Variants in ADGRL3 observed in about 807,000 individuals in gnomAD.
ADGRL3 encodes calcium-independent alpha-latrotoxin receptor 3.
In ADGRL3, 62 loss-of-function variants were observed where a neutral mutation model predicts 153.5. The observed-to-expected ratio is 0.40, with a 90% confidence interval of 0.33 to 0.50. The LOEUF is 0.50. Among genes scored for constraint, ADGRL3 ranks in the 20% least tolerant of loss-of-function variants. The probability of loss-of-function intolerance (pLI) is 0.47; values close to 1 mark genes in which losing one functional copy is unlikely to be tolerated. For missense variants in ADGRL3, 1,641 were observed against 1,859.4 expected, an observed-to-expected ratio of 0.88 and a Z score of 2.16; for synonymous variants, 710 against 672.5, an observed-to-expected ratio of 1.06 and a Z score of -0.86.
chr4:61,568,520 C>T (rs1387594100), intron 4 of ADGRL3, among the ~76,000 whole-genome samples: 1 of 152,054 alleles, frequency 6.6e-6, no homozygotes, highest in Non-Finnish European at 1.5e-5. Flanking sequence ...GAAGTAATTG[C>T]TTACATTTAT....
chr4:61,613,637 G>A (rs1349702891), intron 5 of ADGRL3, among the ~76,000 whole-genome samples: 4 of 152,064 alleles, frequency 2.6e-5, no homozygotes, highest in South Asian at 2.1e-4. Context: ...CCAGCCACTC[G>A]GGAGATTGAG....
chr4:61,526,558 A>C (rs536584887), intron 4 of ADGRL3, among the ~76,000 whole-genome samples: 1 of 152,016 alleles, frequency 6.6e-6, no homozygotes, highest in East Asian at 1.9e-4. Flanking sequence ...AGGGAAGAAC[A>C]CTTGAGGCCA....
chr4:61,626,919 G>T (rs537211902), intron 5 of ADGRL3, among the ~76,000 whole-genome samples: 1 of 151,914 alleles, frequency 6.6e-6, no homozygotes, highest in Admixed American at 6.6e-5. Context: ...GTTCCTCTCC[G>T]TATTTTAAAT....
intron 3 of ADGRL3, among the ~76,000 whole-genome samples, chr4:61,502,472 C>A (rs2098396942): frequency 8.1e-6 from 1 of 123,100 alleles, no homozygotes; most frequent in Admixed American, 8.3e-5. Flanking sequence ...CTTGTAGAAC[C>A]AGCTTATACA....
intron 4 of ADGRL3, among the ~76,000 whole-genome samples, chr4:61,582,344 G>T (rs941697158): frequency 2.6e-5 from 4 of 151,662 alleles, no homozygotes; most frequent in Non-Finnish European, 4.4e-5. Flanking sequence ...CCCTCCCCCC[G>T]CTCCTGCCTC....
intron 2 of ADGRL3, among the ~76,000 whole-genome samples, chr4:61,438,954 A>G (rs932288100): frequency 2.6e-5 from 4 of 151,562 alleles, no homozygotes; most frequent in Admixed American, 6.6e-5. Flanking sequence ...TGATCCGCCC[A>G]CCTCTGCCTC....
intron 1 of ADGRL3, among the ~76,000 whole-genome samples, chr4:61,210,062 T>C (rs1739202039): frequency 6.6e-6 from 1 of 152,192 alleles, no homozygotes; most frequent in Admixed American, 6.5e-5. Flanking sequence ...GTTGAAATTT[T>C]AGAATTGACA....
chr4:61,782,100 A>T (rs2097220303), intron 8 of ADGRL3, among the ~76,000 whole-genome samples: 2 of 152,154 alleles, frequency 1.3e-5, no homozygotes, highest in South Asian at 4.1e-4. Flanking sequence ...TTGAAATGGG[A>T]TGAGGAGGAT....
At chr4:61,536,066 G>A (rs2098654042) in intron 4 of ADGRL3, among the ~76,000 whole-genome samples, 1 of 151,938 alleles carries the variant, frequency 6.6e-6, no homozygotes, top group African/African-American at 2.4e-5. Context: ...CTGTATTCCA[G>A]AGGGTTTGGT....
chr4:62,073,673 A>G lies in ADGRL3; in HGVS notation c.*2765A>G, dbSNP rs192698365. 1 of 152,254 alleles carries G rather than the reference A, an allele frequency of 6.6e-6. No homozygotes were observed. The highest frequency in any genetic ancestry group is 6.5e-5 in the Admixed American group (1 of 15,276). 9.4% of individuals were successfully genotyped at this position (152,254 alleles called of 1,614,324 possible). On this transcript the variant is annotated 3_prime_UTR_variant, in exon 27 of 27. Coordinates refer to ENST00000683033, the MANE Select transcript of ADGRL3 (RefSeq NM_001387552.1). The stretch of plus-strand genomic sequence containing the variant: ...CATTATTTTTGTGTTTCTATATGGA[A>G]ATTTGAAGCAGGTAGCTTCTCAAGC...
intron 21 of ADGRL3, among the ~76,000 whole-genome samples, chr4:62,017,748 G>A (rs1188955005): frequency 6.6e-6 from 1 of 152,072 alleles, no homozygotes; most frequent in Admixed American, 6.6e-5. Flanking sequence ...GGAGAAGTAG[G>A]CCTTCAACCC....
intron 4 of ADGRL3, among the ~76,000 whole-genome samples, chr4:61,554,393 A>G (rs1466210847): frequency 1.3e-5 from 2 of 151,902 alleles, no homozygotes; most frequent in Non-Finnish European, 2.9e-5. Context: ...ACGGGGTTTC[A>G]CAATGTTGGT....
chr4:62,043,924 T>C (rs1359290826), intron 24 of ADGRL3, among the ~76,000 whole-genome samples: 1 of 152,008 alleles, frequency 6.6e-6, no homozygotes, highest in Non-Finnish European at 1.5e-5. Flanking sequence ...ATTACATTGA[T>C]CTTCCTCTAA....
intron 1 of ADGRL3, among the ~76,000 whole-genome samples, chr4:61,223,295 C>T (rs1746492788): frequency 6.6e-6 from 1 of 152,130 alleles, no homozygotes; most frequent in Non-Finnish European, 1.5e-5. Context: ...GTTTTATTAT[C>T]TTCTCTTGCT....
intron 1 of ADGRL3, among the ~76,000 whole-genome samples, chr4:61,228,549 T>C (rs933317015): frequency 6.6e-6 from 1 of 152,200 alleles, no homozygotes; most frequent in East Asian, 1.9e-4. Flanking sequence ...GTAAATGTTC[T>C]AGATTAAAAC....
chr4:61,717,331 G>A (rs1273678282), intron 6 of ADGRL3, among the ~76,000 whole-genome samples: 1 of 151,824 alleles, frequency 6.6e-6, no homozygotes, highest in Non-Finnish European at 1.5e-5. Context: ...TTGAAATAGG[G>A]CATCGGAATT....
At chr4:61,776,874 G>A (rs1239398512) in intron 8 of ADGRL3, among the ~76,000 whole-genome samples, 1 of 152,084 alleles carries the variant, frequency 6.6e-6, no homozygotes, top group African/African-American at 2.4e-5. Flanking sequence ...TTCCATTAAA[G>A]TTGTATGCAA....
At chr4:61,244,679 C>G (rs2149363207) in intron 1 of ADGRL3, among the ~76,000 whole-genome samples, 1 of 151,950 alleles carries the variant, frequency 6.6e-6, no homozygotes, top group South Asian at 2.1e-4. Context: ...AATCAGCCCC[C>G]ATAAAAACAC....
intron 9 of ADGRL3, among the ~76,000 whole-genome samples, chr4:61,854,995 T>A (rs2098246588): frequency 6.6e-6 from 1 of 151,964 alleles, no homozygotes; most frequent in Non-Finnish European, 1.5e-5. Flanking sequence ...ACACCCTAAG[T>A]GTAAGAAAGT....
Sources: gnomAD v4.1 joint callset for allele counts (sites outside exome capture counted in the v4.1 genomes callset) on GRCh38, gnomAD v4.1.1 for gene constraint, MANE v1.5 for transcripts, NCBI Gene and HGNC (gene_info 2026-07-23, HGNC 2026-07-21) for gene names.